Variants in SSH2 observed in about 807,000 individuals in gnomAD.
SSH2 encodes the protein slingshot protein phosphatase 2.
Under a neutral mutation model 135.2 loss-of-function variants are expected in SSH2, and 37 were observed. The observed-to-expected ratio is 0.27, with a 90% CI of 0.21 to 0.36. The LOEUF is 0.36. Ranked by LOEUF, SSH2 falls within the 10% of genes least tolerant of loss-of-function variation. The pLI, the probability that SSH2 is intolerant of heterozygous loss-of-function variation, is 1.00. For missense variants in SSH2, 1,408 were observed against 1,765.3 expected, an observed-to-expected ratio of 0.80 and a Z score of 3.63; for synonymous variants, 628 against 646.2, an observed-to-expected ratio of 0.97 and a Z score of 0.43.
At chr17:29,701,116 G>A (rs1191576260) in intron 4 of SSH2, among the ~76,000 whole-genome samples, 3 of 152,020 alleles carry the variant, frequency 2.0e-5, no homozygotes, top group Non-Finnish European at 4.4e-5. Context: ...GACCACAGGC[G>A]CCCGCCACCA....
At chr17:29,732,351 C>T (rs961517770) in intron 3 of SSH2, among the ~76,000 whole-genome samples, 2 of 152,152 alleles carry the variant, frequency 1.3e-5, no homozygotes, top group Non-Finnish European at 2.9e-5. Flanking sequence ...TTACCTTTCA[C>T]ATTTGGAATA....
At chr17:29,717,688 C>G (rs540759620) in intron 3 of SSH2, among the ~76,000 whole-genome samples, 1 of 152,216 alleles carries the variant, frequency 6.6e-6, no homozygotes, top group African/African-American at 2.4e-5. Context: ...AAACAGAGAT[C>G]TGTAGGAATT....
rs2035518471 is a variant in SSH2 at position 29,626,934 on chromosome 17, C to G, written c.*3907G>C. On this transcript the variant is annotated 3_prime_UTR_variant, in exon 16 of 16. Coordinates refer to ENST00000540801, the MANE Select transcript of SSH2 (RefSeq NM_001282129.2). ...CAAAACAAAATTAAACAAAATGACA[C>G]TAGCCATTCACCATTACAACCATCA... The G allele has an allele frequency of 6.6e-6, 1 of 152,300 alleles. No individual in the cohort carries two copies. The highest frequency in any genetic ancestry group is 1.5e-5 in the Non-Finnish European group (1 of 68,046). The allele number at this position is 152,300 out of a possible 1,614,324, so 9.4% of individuals were successfully genotyped here.
intron 1 of SSH2, among the ~76,000 whole-genome samples, chr17:29,877,596 T>C (rs529429563): frequency 1.3e-5 from 2 of 152,280 alleles, no homozygotes; most frequent in East Asian, 3.9e-4. Context: ...CTGGAGGTCA[T>C]TACTTTAAGT....
At chr17:29,747,581 A>G (rs1422523983) in intron 3 of SSH2, among the ~76,000 whole-genome samples, 1 of 152,232 alleles carries the variant, frequency 6.6e-6, no homozygotes, top group Non-Finnish European at 1.5e-5. Flanking sequence ...TGTTCTTAGC[A>G]TATTTCTTTA....
At chr17:29,892,317 A>G (rs1228618938) in intron 1 of SSH2, among the ~76,000 whole-genome samples, 2 of 152,114 alleles carry the variant, frequency 1.3e-5, no homozygotes, top group African/African-American at 2.4e-5. Flanking sequence ...TGCAGAAAAG[A>G]TGCCCCAAAG....
At chr17:29,683,610 T>G (rs7501472) in intron 6 of SSH2, among the ~76,000 whole-genome samples, 60,771 of 151,898 alleles carry the variant, frequency 0.4, 14,646 homozygotes, top group East Asian at 0.68. Context: ...TGCCCTAGAA[T>G]CACCAAAGTG....
At chr17:29,899,933 G>T (rs1211347248) in intron 1 of SSH2, among the ~76,000 whole-genome samples, 1 of 151,838 alleles carries the variant, frequency 6.6e-6, no homozygotes, top group Non-Finnish European at 1.5e-5. Flanking sequence ...CCAAAACAGA[G>T]ATATAGACCA....
intron 9 of SSH2, among the ~76,000 whole-genome samples, chr17:29,668,696 C>T (rs2037372165): frequency 6.6e-6 from 1 of 151,990 alleles, no homozygotes; most frequent in African/African-American, 2.4e-5. Context: ...CTGATTGTAC[C>T]ACTGCACTCC....
chr17:29,864,343 A>G (rs1028848093), intron 1 of SSH2: 2 of 151,574 alleles, frequency 1.3e-5, no homozygotes, highest in South Asian at 4.1e-4. Flanking sequence ...AAATAGATAG[A>G]TAGATTAAAA....
intron 1 of SSH2, among the ~76,000 whole-genome samples, chr17:29,914,062 C>A (rs901623712): frequency 5.9e-5 from 9 of 152,158 alleles, no homozygotes; most frequent in African/African-American, 2.2e-4. Context: ...ACCACCACTG[C>A]ACAGTCCTAG....
chr17:29,731,414 ATTTTTTATTTATTTATTTAT>A (rs1377951606), intron 3 of SSH2, among the ~76,000 whole-genome samples: 42 of 115,316 alleles, frequency 3.6e-4, no homozygotes, highest in Non-Finnish European at 5.3e-4. Context: ...TAGCAGAAGT[ATTTTTTATTTATTTATTTAT>A]TTATTTATTT....
chr17:29,786,123 T>C (rs1255917718), intron 3 of SSH2, among the ~76,000 whole-genome samples: 2 of 152,228 alleles, frequency 1.3e-5, no homozygotes, highest in Non-Finnish European at 2.9e-5. Context: ...TCTATAGTTA[T>C]TTTCCTGGCT....
intron 3 of SSH2, among the ~76,000 whole-genome samples, chr17:29,737,481 G>A (rs1013432486): frequency 2.0e-5 from 3 of 152,026 alleles, no homozygotes; most frequent in Non-Finnish European, 2.9e-5. Flanking sequence ...CCTAGAACAC[G>A]GTAGGTGACC....
Position 29,630,602 on chromosome 17 carries a change from G to T in SSH2, c.*239C>A. The T allele has an allele frequency of 3.0e-6, 1 of 332,278 alleles. No homozygotes were observed. Among genetic ancestry groups the T allele is most frequent in the Non-Finnish European group, 5.4e-6 (1 of 186,730 alleles). 20.6% of individuals were successfully genotyped at this position (332,278 alleles called of 1,614,324 possible). ...GGTGTTCTCTGAAAATGACTTTTTT[G>T]AGGTTTGATTTTTTTAAATAAAAAA... On this transcript the variant is annotated 3_prime_UTR_variant, in exon 16 of 16. Transcript: ENST00000540801.
At chr17:29,785,805 CTTT>C (rs748367220) in intron 3 of SSH2, among the ~76,000 whole-genome samples, 2 of 125,116 alleles carry the variant, frequency 1.6e-5, no homozygotes, top group African/African-American at 3.0e-5. Flanking sequence ...AGTCCGTTTA[CTTT>C]TTTTTTTTTT....
At chr17:29,889,487 T>C (rs1490506508) in intron 1 of SSH2, among the ~76,000 whole-genome samples, 4 of 151,690 alleles carry the variant, frequency 2.6e-5, no homozygotes, top group African/African-American at 7.3e-5. Flanking sequence ...GAAGAAAACA[T>C]AGGGGTAAAT....
chr17:29,809,501 C>T (rs952131333), intron 2 of SSH2, among the ~76,000 whole-genome samples: 3 of 152,044 alleles, frequency 2.0e-5, no homozygotes, highest in Non-Finnish European at 4.4e-5. Context: ...CTTTACTGTT[C>T]CCTCTGCCTA....
At chr17:29,742,765 GCTAGGATTACAGA>G (rs953077227) in intron 3 of SSH2, among the ~76,000 whole-genome samples, 9 of 151,462 alleles carry the variant, frequency 5.9e-5, no homozygotes, top group Non-Finnish European at 1.3e-4. Flanking sequence ...CTCCCGAGAA[GCTAGGATTACAGA>G]CCTGCCCACC....
Sources: gnomAD v4.1 joint callset for allele counts (sites outside exome capture counted in the v4.1 genomes callset) on GRCh38, gnomAD v4.1.1 for gene constraint, MANE v1.5 for transcripts, NCBI Gene and HGNC (gene_info 2026-07-23, HGNC 2026-07-21) for gene names.